Variants in STYK1 observed in about 807,000 individuals in gnomAD.
STYK1 encodes tyrosine-protein kinase STYK1.
Under a neutral mutation model 48.1 loss-of-function variants are expected in STYK1, and 46 were observed. The observed-to-expected ratio is 0.96, with a 90% confidence interval of 0.75 to 1.22. STYK1 has a LOEUF of 1.22. Among genes scored for constraint, STYK1 ranks in the 50% most tolerant of loss-of-function variants. STYK1 has a pLI of 0.00. For synonymous variants in STYK1, 188 were observed against 189.0 expected (o/e 0.99, Z 0.04); for missense variants, 527 against 521.1 (o/e 1.01, Z -0.11).
At chr12:10,622,543 G>T (rs1241217329) in intron 9 of STYK1, 95 bp downstream of exon 9, 6 of 1,445,168 alleles carry the variant, frequency 4.2e-6, no homozygotes, top group Non-Finnish European at 5.8e-6. Context: ...GCACTGTACT[G>T]AAACCCTTTC....
At chr12:10,629,749 A>C in intron 5 of STYK1, 75 bp from the exon 6 acceptor site, 2 of 1,559,536 alleles carry the variant, frequency 1.3e-6, no homozygotes, top group East Asian at 2.2e-5. Flanking sequence ...AGCAGGAGGC[A>C]ACTTAAGATG....
At chr12:10,633,426 C>T (rs553137085) in intron 4 of STYK1, among the ~76,000 whole-genome samples, 132 of 152,306 alleles carry the variant, frequency 8.7e-4, no homozygotes, top group Middle Eastern at 3.4e-3. Context: ...TATAGAGTTT[C>T]ATATCATTAT....
intron 2 of STYK1, 53 bp from the exon 3 acceptor site, chr12:10,634,739 G>A: frequency 8.7e-7 from 1 of 1,154,618 alleles, no homozygotes. Flanking sequence ...AAAAATAAAT[G>A]AAGTACACAC....
Position 10,619,312 on chromosome 12 carries a change from C to T in STYK1, c.*832G>A, listed in dbSNP as rs12322680. 6.6e-6 allele frequency: 1 copy of T among 151,388 alleles called. No individual in the cohort carries two copies. Among genetic ancestry groups the T allele is most frequent in the Non-Finnish European group, 1.5e-5 (1 of 67,944 alleles). The allele number at this position is 151,388 out of a possible 1,614,324, so 9.4% of individuals were successfully genotyped here. ...CCTTGTTAAAGACTGAGCTACTAAG[C>T]CTTCTTGCTTGGTTTCTACATTTCC... On this transcript the variant is annotated 3_prime_UTR_variant, in exon 11 of 11. Transcript: ENST00000075503.
chr12:10,648,355 TCA>T (rs1010258698), intron 1 of STYK1, among the ~76,000 whole-genome samples: 1 of 151,488 alleles, frequency 6.6e-6, no homozygotes, highest in African/African-American at 2.4e-5. Context: ...GAAAAAAAAA[TCA>T]CAATGGAAAC....
intron 1 of STYK1, among the ~76,000 whole-genome samples, chr12:10,656,452 C>T (rs1211656800): frequency 6.6e-5 from 10 of 152,134 alleles, no homozygotes; most frequent in Admixed American, 6.5e-4. Context: ...TGGTGAAACC[C>T]TGTCTCCACT....
At chr12:10,632,247 A>G (rs1426925891) in intron 4 of STYK1, among the ~76,000 whole-genome samples, 1 of 152,114 alleles carries the variant, frequency 6.6e-6, no homozygotes, top group Admixed American at 6.5e-5. Context: ...GCATCAGTGA[A>G]TCAGTCACCT....
intron 1 of STYK1, among the ~76,000 whole-genome samples, chr12:10,653,547 G>A (rs867314261): frequency 6.6e-6 from 1 of 152,094 alleles, no homozygotes; most frequent in African/African-American, 2.4e-5. Flanking sequence ...GAGAAAAGGT[G>A]GATAAGAGTT....
In STYK1 at chr12:10,631,360, G is replaced by A. The variant is rs1947427334; in HGVS notation, c.188-52C>T. 6 of 1,591,790 alleles carry A rather than the reference G, an allele frequency of 3.8e-6. No individual in the cohort carries two copies. The East Asian group carries it at 1.3e-4, about 36-fold the overall frequency. The stretch of plus-strand genomic sequence containing the variant: ...GTTTTTCCCCGCCCTGGGGATCCCG[G>A]AAAGCAGACCCTGAAACAAATTGGC... On this transcript the variant is annotated intron_variant, in intron 4 of 10. Coordinates refer to ENST00000075503, the MANE Select transcript of STYK1 (RefSeq NM_018423.3).
At position 10,670,502 on chromosome 12, in the gene STYK1, T is replaced by C. The variant is rs7970214; in HGVS notation, c.-195+3464A>G. On this transcript the variant is annotated intron_variant, in intron 1 of 10. Transcript: ENST00000075503. ...AAGAAAAATATCATAGGAACTCACT[T>C]ATATGTAGAATCTGAAAAAGTTGAA... is the stretch of plus-strand genomic sequence containing the variant. Among the ~76,000 whole-genome samples, 583 of 152,220 alleles carry C rather than the reference T, an allele frequency of 3.8e-3. 2 individuals are homozygous for C. The highest frequency in any genetic ancestry group is 0.014 in the African/African-American group (564 of 41,552).
In STYK1 at chr12:10,663,598, CAAAAAAAAAAAAAAAAAAA is replaced by C. The variant is rs34019110; in HGVS notation, c.-195+10349_-195+10367del. 2.1e-4 allele frequency among the ~76,000 whole-genome samples: 11 copies of C among 51,486 alleles called. No homozygotes were observed. In the South Asian group the frequency reaches 3.7e-3, roughly 18 times the overall value. 33.8% of individuals were successfully genotyped at this position (51,486 alleles called of 152,430 possible). On this transcript the variant is annotated intron_variant, in intron 1 of 10. Transcript: ENST00000075503. The stretch of plus-strand genomic sequence containing the variant: ...TGGGCGACAGAACGAGACTCTGTCT[CAAAAAAAAAAAAAAAAAAA>C]AAAAAAAAAAAAAAAAAAAATCATT...
chr12:10,666,994 C>A (rs1591707049), intron 1 of STYK1, among the ~76,000 whole-genome samples: 1 of 152,230 alleles, frequency 6.6e-6, no homozygotes, highest in African/African-American at 2.4e-5. Flanking sequence ...TGTTTTTTCC[C>A]TTAAACCTTT....
chr12:10,633,970 C>T lies in STYK1; in HGVS notation c.187+20G>A. On this transcript the variant is annotated intron_variant, in intron 4 of 10. Coordinates refer to ENST00000075503, the MANE Select transcript of STYK1 (RefSeq NM_018423.3). Reference sequence around the variant, plus strand: ...CCATCTTCTTTAAGCCCCTGCCCAGCCCCAAAGTTTGAGCTTTACCTTGAG... The same window carrying T: ...CCATCTTCTTTAAGCCCCTGCCCAGTCCCAAAGTTTGAGCTTTACCTTGAG... The T allele has an allele frequency of 2.5e-6, 4 of 1,612,372 alleles. No individual in the cohort carries two copies. Among genetic ancestry groups the T allele is most frequent in the Non-Finnish European group, 2.5e-6 (3 of 1,179,430 alleles).
chr12:10,670,995 A>ATTTTTTTTTT lies in STYK1; in HGVS notation c.-195+2961_-195+2970dup, dbSNP rs763044772. On this transcript the variant is annotated intron_variant, in intron 1 of 10. Transcript: ENST00000075503. ...ATCTCCAGAACCTATGAATATATTGATTTTTTTTTTTTTTTTTTTTTTGAC... is the reference window on the plus strand; with the variant it reads ...ATCTCCAGAACCTATGAATATATTGATTTTTTTTTTTTTTTTTTTTTTTTTTTTTTTTGAC... Among the ~76,000 whole-genome samples, 8 of 110,506 alleles carry ATTTTTTTTTT rather than the reference A, an allele frequency of 7.2e-5. 1 individual carries two copies. Among genetic ancestry groups the ATTTTTTTTTT allele is most frequent in the Admixed American group, 2.2e-4 (2 of 9,196 alleles). The allele number at this position is 110,506 out of a possible 152,430, so 72.5% of individuals were successfully genotyped here. A position where few individuals can be genotyped will look rare whatever the true frequency, so the allele number is the denominator to read the frequency against.
rs1947904395 is a variant in STYK1 at position 10,672,851 on chromosome 12, C to T, written c.-195+1115G>A. Reference sequence around the variant, plus strand: ...CATTGAAGCAAATACTTCATGATGTCTCATTGAAAGACCTAGCTGCCCCCT... The same window carrying T: ...CATTGAAGCAAATACTTCATGATGTTTCATTGAAAGACCTAGCTGCCCCCT... On this transcript the variant is annotated intron_variant, in intron 1 of 10. Transcript: ENST00000075503. The surrounding 1 kb of genome is among the most constrained non-coding windows in gnomAD (Gnocchi z 4.0). 6.6e-6 allele frequency among the ~76,000 whole-genome samples: 1 copy of T among 152,124 alleles called. No homozygotes were observed. The highest frequency in any genetic ancestry group is 2.1e-4 in the South Asian group (1 of 4,824).
At chr12:10,659,939 A>C (rs1459915013) in intron 1 of STYK1, among the ~76,000 whole-genome samples, 1 of 152,136 alleles carries the variant, frequency 6.6e-6, no homozygotes, top group Non-Finnish European at 1.5e-5. Flanking sequence ...TTTTTTCTGC[A>C]ATTTAGACTG....
intron 1 of STYK1, among the ~76,000 whole-genome samples, chr12:10,653,154 G>T (rs997087217): frequency 1.3e-5 from 2 of 151,766 alleles, no homozygotes; most frequent in African/African-American, 4.8e-5. Flanking sequence ...CTTACTGCAA[G>T]CTCCGCCTCC....
chr12:10,631,047 T>C lies in STYK1; in HGVS notation c.449A>G (p.Lys150Arg), dbSNP rs780180146. 1.2e-6 allele frequency: 2 copies of C among 1,613,136 alleles called. No individual in the cohort carries two copies. Among genetic ancestry groups the C allele is most frequent in the Non-Finnish European group, 8.5e-7 (1 of 1,179,398 alleles). The stretch of plus-strand genomic sequence containing the variant: ...GAGTCAAACACTTCTTGTTTTACCT[T>C]TTAAAGCCTTGAGAATAACACTCTT... ...KPKSVILKAL[K>R]EPAGLHEVQD... Residue 150 changes from lysine to arginine, a missense_variant and splice_region_variant, in exon 5 of 11, where the codon AAA becomes AGA. Coordinates refer to ENST00000075503, the MANE Select transcript of STYK1 (RefSeq NM_018423.3).
chr12:10,639,792 T>C (rs577149623), intron 1 of STYK1, among the ~76,000 whole-genome samples: 1 of 152,352 alleles, frequency 6.6e-6, no homozygotes, highest in East Asian at 1.9e-4. Flanking sequence ...CAATGTTCTT[T>C]ATACTACTTT....
Sources: allele counts gnomAD v4.1 joint callset (sites outside exome capture counted in the v4.1 genomes callset), GRCh38; gene constraint gnomAD v4.1.1; non-coding constraint Gnocchi (gnomAD v3.1); transcripts MANE v1.5; gene names NCBI Gene and HGNC (gene_info 2026-07-23, HGNC 2026-07-21).